Variants in BRINP3 observed in about 807,000 individuals in gnomAD.
The protein encoded by BRINP3 is BMP/retinoic acid inducible neural specific 3.
Under a neutral mutation model 71.0 loss-of-function variants are expected in BRINP3, and 19 were observed. That is an observed-to-expected ratio of 0.27 (90% confidence interval 0.19 to 0.39). The LOEUF is 0.39. Ranked by LOEUF, BRINP3 falls within the 10% of genes least tolerant of loss-of-function variation. The probability of loss-of-function intolerance (pLI) is 1.00; values close to 1 mark genes in which losing one functional copy is unlikely to be tolerated. For synonymous variants in BRINP3, 380 were observed against 337.7 expected, an observed-to-expected ratio of 1.13 and a Z score of -1.37; for missense variants, 959 against 940.8, an observed-to-expected ratio of 1.02 and a Z score of -0.25.
At chr1:190,213,504 G>C (rs568910851) in intron 6 of BRINP3, among the ~76,000 whole-genome samples, 57 of 152,118 alleles carry the variant, frequency 3.7e-4, no homozygotes, top group African/African-American at 1.3e-3. Flanking sequence ...CTATGAATCA[G>C]GTAGAGTTAA....
intron 2 of BRINP3, among the ~76,000 whole-genome samples, chr1:190,419,525 T>C (rs1201394925): frequency 1.3e-5 from 2 of 151,968 alleles, no homozygotes; most frequent in Non-Finnish European, 2.9e-5. Context: ...GTATAATGAA[T>C]AGATATTTGA....
At chr1:190,423,048 T>C (rs1416369265) in intron 2 of BRINP3, among the ~76,000 whole-genome samples, 2 of 151,792 alleles carry the variant, frequency 1.3e-5, no homozygotes, top group African/African-American at 2.4e-5. Context: ...TCCTTCTCAG[T>C]AGAAAATAAG....
chr1:190,295,612 T>C (rs565179975), intron 2 of BRINP3, among the ~76,000 whole-genome samples: 38 of 152,206 alleles, frequency 2.5e-4, no homozygotes, highest in Middle Eastern at 3.4e-3. Context: ...TTTCTGTTAC[T>C]TGGGTGGCAG....
At chr1:190,441,619 T>A (rs750489334) in intron 2 of BRINP3, among the ~76,000 whole-genome samples, 6 of 152,120 alleles carry the variant, frequency 3.9e-5, no homozygotes, top group Non-Finnish European at 8.8e-5. Flanking sequence ...CTTTAAAATG[T>A]GCATATTTGG....
chr1:190,331,638 C>T (rs1282920284), intron 2 of BRINP3, among the ~76,000 whole-genome samples: 2 of 151,992 alleles, frequency 1.3e-5, no homozygotes, highest in Non-Finnish European at 2.9e-5. Context: ...TGTGAAAACC[C>T]AGCATCTGAA....
At chr1:190,145,631 A>G (rs1571833037) in intron 7 of BRINP3, among the ~76,000 whole-genome samples, 1 of 152,190 alleles carries the variant, frequency 6.6e-6, no homozygotes, top group Non-Finnish European at 1.5e-5. Context: ...CTTAAAGAAC[A>G]AAAAGTAGAC....
At chr1:190,373,457 T>C (rs2102204176) in intron 2 of BRINP3, among the ~76,000 whole-genome samples, 1 of 151,512 alleles carries the variant, frequency 6.6e-6, no homozygotes, top group East Asian at 1.9e-4. Flanking sequence ...TGTGTGTGTG[T>C]GTGTACATAT....
chr1:190,337,220 T>C (rs976706922), intron 2 of BRINP3, among the ~76,000 whole-genome samples: 12 of 152,008 alleles, frequency 7.9e-5, no homozygotes, highest in African/African-American at 2.9e-4. Context: ...AAAAAACGGA[T>C]GGAAACTGAG....
At chr1:190,119,549 T>C (rs191099199) in intron 7 of BRINP3, among the ~76,000 whole-genome samples, 3 of 152,068 alleles carry the variant, frequency 2.0e-5, no homozygotes, top group African/African-American at 7.2e-5. Context: ...CTGGGATGAA[T>C]GAATTGGAGT....
At position 190,275,960 on chromosome 1, in the gene BRINP3, T is replaced by C. The variant is rs35097942; in HGVS notation, c.427+5600A>G. ...ACCAGTGAAACATGATATATATATA[T>C]ATAGAGAGAGAGAGACAGAAAGAGA... On this transcript the variant is annotated intron_variant, in intron 3 of 7. Coordinates refer to ENST00000367462, the MANE Select transcript of BRINP3 (RefSeq NM_199051.3). Among the ~76,000 whole-genome samples the C allele has an allele frequency of 1.7e-4, 25 of 150,428 alleles. No homozygotes were observed. In the Admixed American group the frequency reaches 1.7e-3, roughly 10 times the overall value.
At chr1:190,267,807 T>C (rs117584351) in intron 3 of BRINP3, among the ~76,000 whole-genome samples, 1 of 152,136 alleles carries the variant, frequency 6.6e-6, no homozygotes, top group East Asian at 1.9e-4. Flanking sequence ...AGATTAGGTG[T>C]TACAGAACAC....
At chr1:190,303,799 G>T (rs2103005172) in intron 2 of BRINP3, among the ~76,000 whole-genome samples, 1 of 151,658 alleles carries the variant, frequency 6.6e-6, no homozygotes, top group South Asian at 2.1e-4. Flanking sequence ...CTGGCAAATT[G>T]GAAAATGGAA....
intron 2 of BRINP3, among the ~76,000 whole-genome samples, chr1:190,315,672 C>T (rs1665831553): frequency 6.6e-6 from 1 of 152,056 alleles, no homozygotes; most frequent in African/African-American, 2.4e-5. Context: ...ATGTGAGGAA[C>T]CAATCCAGAA....
chr1:190,420,442 C>A (rs541287763), intron 2 of BRINP3, among the ~76,000 whole-genome samples: 1 of 151,910 alleles, frequency 6.6e-6, no homozygotes, highest in East Asian at 1.9e-4. Context: ...TCAGAGTAGG[C>A]CAAAATCAAA....
At chr1:190,457,888 A>G (rs1314036037) in intron 1 of BRINP3, among the ~76,000 whole-genome samples, 1 of 151,480 alleles carries the variant, frequency 6.6e-6, no homozygotes, top group Non-Finnish European at 1.5e-5. Flanking sequence ...AAATGTGTTG[A>G]GCTTGTTTCA....
At chr1:190,181,088 A>C (rs1239402690) in intron 6 of BRINP3, among the ~76,000 whole-genome samples, 2 of 152,082 alleles carry the variant, frequency 1.3e-5, no homozygotes, top group Non-Finnish European at 2.9e-5. Flanking sequence ...CCTGGCAAAC[A>C]CTACCCAATC....
intron 3 of BRINP3, among the ~76,000 whole-genome samples, chr1:190,278,291 G>A (rs1662767486): frequency 6.6e-6 from 1 of 151,596 alleles, no homozygotes; most frequent in African/African-American, 2.4e-5. Context: ...TTACACCCTA[G>A]TGTTATAAGT....
chr1:190,402,915 C>T (rs1005796635), intron 2 of BRINP3, among the ~76,000 whole-genome samples: 4 of 151,946 alleles, frequency 2.6e-5, no homozygotes, highest in African/African-American at 4.8e-5. Context: ...TTGGTAGACA[C>T]GGTGTTTTGC....
At chr1:190,287,332 C>A (rs1436705089) in intron 2 of BRINP3, among the ~76,000 whole-genome samples, 9 of 152,138 alleles carry the variant, frequency 5.9e-5, no homozygotes, top group Admixed American at 5.9e-4. Flanking sequence ...GGCCTGGATG[C>A]CTGTACCACT....
Sources: allele counts gnomAD v4.1 joint callset (sites outside exome capture counted in the v4.1 genomes callset), GRCh38; gene constraint gnomAD v4.1.1; transcripts MANE v1.5; gene names NCBI Gene and HGNC (gene_info 2026-07-23, HGNC 2026-07-21).